MUC7: variants seen among roughly 807,000 people sequenced by gnomAD.
MUC7 encodes the protein mucin-7.
Under a neutral mutation model 2.5 loss-of-function variants are expected in MUC7, and 2 were observed. The ratio of observed to expected loss-of-function variants is 0.81; its 90% confidence interval spans 0.33 to 2.55. MUC7 has a LOEUF of 2.55. Among genes scored for constraint, MUC7 ranks in the 30% most tolerant of loss-of-function variants. MUC7 has a pLI of 0.11. For synonymous variants in MUC7, 133 were observed against 173.4 expected (o/e 0.77, Z 1.83); for missense variants, 408 against 455.6 (o/e 0.90, Z 0.95).
intron 1 of MUC7, among the ~76,000 whole-genome samples, chr4:70,433,632 C>A (rs894685032): frequency 6.6e-6 from 1 of 152,110 alleles, no homozygotes; most frequent in Non-Finnish European, 1.5e-5. Context: ...TGGGCTGAGA[C>A]AATGTGTTTT....
At chr4:70,452,750 C>T (rs570584480) in intron 1 of MUC7, among the ~76,000 whole-genome samples, 4 of 152,282 alleles carry the variant, frequency 2.6e-5, no homozygotes, top group African/African-American at 7.2e-5. Flanking sequence ...TTACAATACT[C>T]TATGTTCTCC....
chr4:70,474,796 A>G (rs1734947331), intron 2 of MUC7, among the ~76,000 whole-genome samples: 1 of 152,140 alleles, frequency 6.6e-6, no homozygotes, highest in African/African-American at 2.4e-5. Flanking sequence ...GATTCTCAGG[A>G]GAAGATAGGT....
upstream of MUC7, among the ~76,000 whole-genome samples, chr4:70,471,628 T>C (rs60655991): frequency 6.6e-5 from 10 of 152,336 alleles, no homozygotes; most frequent in African/African-American, 1.9e-4. Flanking sequence ...ATAGTTCTAC[T>C]ACCCTCCTCA....
chr4:70,465,148 G>C (rs1734650862), intron 1 of MUC7, among the ~76,000 whole-genome samples: 1 of 152,156 alleles, frequency 6.6e-6, no homozygotes, highest in Non-Finnish European at 1.5e-5. Flanking sequence ...GCAGACCTAG[G>C]GCAGAGGGGC....
In MUC7 at chr4:70,473,988, A is replaced by T. The variant is rs780622187; in HGVS notation, c.-15-19A>T. The T allele has an allele frequency of 3.2e-6, 5 of 1,579,716 alleles. No individual in the cohort carries two copies. Among genetic ancestry groups the T allele is most frequent in the Non-Finnish European group, 4.3e-6 (5 of 1,151,270 alleles). On this transcript the variant is annotated intron_variant, in intron 1 of 2. Coordinates refer to ENST00000304887, the MANE Select transcript of MUC7 (RefSeq NM_152291.3). ...ATAATATCATAACTAATAGTACGCC[A>T]CATTTCTGCTTTTCCCAGGAGACAT...
intron 1 of MUC7, 149 bp from the exon 2 acceptor site, chr4:70,473,858 C>T: frequency 1.8e-6 from 1 of 560,508 alleles, no homozygotes; most frequent in Non-Finnish European, 3.1e-6. Flanking sequence ...TTTGCATCAC[C>T]CCTATGGAAT....
At chr4:70,462,814 A>T (rs1191087451) in intron 1 of MUC7, among the ~76,000 whole-genome samples, 2 of 152,120 alleles carry the variant, frequency 1.3e-5, no homozygotes, top group Non-Finnish European at 2.9e-5. Context: ...CTCTAAAAAA[A>T]AAAATAAATT....
chr4:70,468,741 T>A (rs992334045), upstream of MUC7, among the ~76,000 whole-genome samples: 2 of 152,126 alleles, frequency 1.3e-5, no homozygotes, highest in African/African-American at 4.8e-5. Flanking sequence ...AAACCACTGC[T>A]CAATGAAATA....
chr4:70,434,448 G>A, intron 1 of MUC7, among the ~76,000 whole-genome samples: 1 of 152,242 alleles, frequency 6.6e-6, no homozygotes, highest in East Asian at 1.9e-4. Flanking sequence ...GTACTCTTGG[G>A]AGGGTGTATG....
chr4:70,474,228 G>A (rs1228970989), intron 2 of MUC7, among the ~76,000 whole-genome samples, 153 bp downstream of exon 2: 2 of 151,922 alleles, frequency 1.3e-5, no homozygotes, highest in African/African-American at 4.8e-5. Flanking sequence ...TGGACAATTG[G>A]CCGGTGCACT....
chr4:70,465,305 A>G (rs897307060), intron 1 of MUC7, among the ~76,000 whole-genome samples: 2 of 152,196 alleles, frequency 1.3e-5, no homozygotes, highest in Non-Finnish European at 2.9e-5. Context: ...AACCAGCACA[A>G]AAAGGCTGAA....
At chr4:70,477,369 C>T (rs1032805760) in intron 2 of MUC7, among the ~76,000 whole-genome samples, 3 of 152,102 alleles carry the variant, frequency 2.0e-5, no homozygotes, top group African/African-American at 7.2e-5. Flanking sequence ...GAGATCATGC[C>T]ACTGCACTCC....
At chr4:70,444,444 C>T (rs968190075) in intron 1 of MUC7, among the ~76,000 whole-genome samples, 1 of 152,202 alleles carries the variant, frequency 6.6e-6, no homozygotes, top group Non-Finnish European at 1.5e-5. Context: ...CTACTCCTTA[C>T]AACTATCACA....
At chr4:70,434,753 T>C (rs1733782075) in intron 1 of MUC7, among the ~76,000 whole-genome samples, 1 of 152,240 alleles carries the variant, frequency 6.6e-6, no homozygotes, top group African/African-American at 2.4e-5. Flanking sequence ...TGCGAGCTTT[T>C]GAAAGTGTTT....
At chr4:70,431,539 T>C (rs1326281134) in intron 1 of MUC7, among the ~76,000 whole-genome samples, 2 of 152,114 alleles carry the variant, frequency 1.3e-5, no homozygotes, top group Non-Finnish European at 2.9e-5. Context: ...TATAATGTTT[T>C]AAAAGAGAAA....
intron 1 of MUC7, among the ~76,000 whole-genome samples, chr4:70,435,118 T>G (rs1054207892): frequency 6.6e-6 from 1 of 152,242 alleles, no homozygotes; most frequent in Admixed American, 6.5e-5. Flanking sequence ...AGGCATGTTT[T>G]ATTTCCAATT....
chr4:70,458,092 A>G (rs1005835797), intron 1 of MUC7, among the ~76,000 whole-genome samples: 2 of 152,152 alleles, frequency 1.3e-5, no homozygotes, highest in Non-Finnish European at 2.9e-5. Context: ...TAAGCTAAAT[A>G]TTTATAAAAC....
At chr4:70,436,705 G>A (rs1021765511) in intron 1 of MUC7, among the ~76,000 whole-genome samples, 13 of 152,066 alleles carry the variant, frequency 8.5e-5, no homozygotes, top group Admixed American at 3.9e-4. Flanking sequence ...CTGTCAATTC[G>A]TCAAACTCAT....
intron 1 of MUC7, among the ~76,000 whole-genome samples, chr4:70,438,778 C>T (rs749055853): frequency 6.6e-5 from 10 of 152,076 alleles, no homozygotes; most frequent in Non-Finnish European, 1.5e-4. Context: ...TTTCTAAGAT[C>T]AAAATGATAC....
Sources: gnomAD v4.1 joint callset for allele counts (sites outside exome capture counted in the v4.1 genomes callset) on GRCh38, gnomAD v4.1.1 for gene constraint, MANE v1.5 for transcripts, NCBI Gene and HGNC (gene_info 2026-07-23, HGNC 2026-07-21) for gene names.